TCP11: variants seen among roughly 807,000 people sequenced by gnomAD.
The protein encoded by TCP11 is T-complex protein 11 homolog.
In TCP11, 34 loss-of-function variants were observed where a neutral mutation model predicts 45.0. That is an observed-to-expected ratio of 0.76 (90% CI 0.57 to 1.01). TCP11 has a LOEUF of 1.01. Ranked by LOEUF, TCP11 falls within the 50% of genes least tolerant of loss-of-function variation. TCP11 has a pLI of 0.00. For synonymous variants in TCP11, 227 were observed against 227.0 expected (o/e 1.00, Z 0.00); for missense variants, 523 against 598.1 (o/e 0.87, Z 1.31).
intron 9 of TCP11, 78 bp downstream of exon 9, chr6:35,119,150 T>C (rs771748744): frequency 7.7e-6 from 12 of 1,551,234 alleles, no homozygotes; most frequent in South Asian, 2.4e-5. Context: ...CCATGCTTCA[T>C]GTTGTTAAAG....
At chr6:35,140,628 GA>G in intron 2 of TCP11, 118 bp downstream of exon 2, 1 of 708,752 alleles carries the variant, frequency 1.4e-6, no homozygotes, top group Non-Finnish European at 2.6e-6. Flanking sequence ...GGGAGAAACG[GA>G]GAAAGACAAA....
At chr6:35,140,004 G>A (rs34715060) in intron 2 of TCP11, 226,754 of 1,612,676 alleles carry the variant, frequency 0.14, 17,391 homozygotes, top group Middle Eastern at 0.17. Context: ...ACAAAAAAAC[G>A]GATTTTTCAT....
intron 4 of TCP11, among the ~76,000 whole-genome samples, chr6:35,127,285 A>C (rs1779935690): frequency 6.6e-6 from 1 of 152,228 alleles, no homozygotes; most frequent in Admixed American, 6.5e-5. Flanking sequence ...GGGGGTAAGA[A>C]AGACCATGCC....
intron 4 of TCP11, among the ~76,000 whole-genome samples, chr6:35,125,916 A>T (rs1779772862): frequency 6.6e-6 from 1 of 152,228 alleles, no homozygotes; most frequent in African/African-American, 2.4e-5. Context: ...AACTAAAAGG[A>T]CAAATATTGT....
Position 35,140,741 on chromosome 6 carries a change from A to C in TCP11, c.124+6T>G, listed in dbSNP as rs751926479. The C allele has an allele frequency of 2.6e-6, 4 of 1,525,634 alleles. No individual in the cohort carries two copies. Among genetic ancestry groups the C allele is most frequent in the Non-Finnish European group, 3.5e-6 (4 of 1,141,264 alleles). The allele number at this position is 1,525,634 out of a possible 1,614,324, so 94.5% of individuals were successfully genotyped here. A position where few individuals can be genotyped will look rare whatever the true frequency, so the allele number is the denominator to read the frequency against. On this transcript the variant is annotated splice_donor_region_variant and intron_variant, in intron 2 of 9. Transcript: ENST00000311875. ...GGGGCCACAGGGACTGCCGAGCTGG[A>C]CCTACAGGGAGGGGGGTCCTCGGAG...
intron 3 of TCP11, among the ~76,000 whole-genome samples, chr6:35,129,626 G>A (rs768572708): frequency 1.3e-5 from 2 of 152,134 alleles, no homozygotes; most frequent in Non-Finnish European, 2.9e-5. Context: ...CCAAATCAGC[G>A]TATCTAAAAC....
At chr6:35,132,901 A>G (rs1226147594) in intron 3 of TCP11, among the ~76,000 whole-genome samples, 2 of 152,178 alleles carry the variant, frequency 1.3e-5, no homozygotes, top group Non-Finnish European at 2.9e-5. Flanking sequence ...AGTGAGAGAG[A>G]AGCTGAGAGA....
chr6:35,136,373 C>T (rs186190026), intron 2 of TCP11, among the ~76,000 whole-genome samples, 155 bp from the exon 3 acceptor site: 52 of 151,440 alleles, frequency 3.4e-4, no homozygotes, highest in African/African-American at 1.2e-3. Flanking sequence ...GCACTCTATG[C>T]CCCACGACAG....
Position 35,120,010 on chromosome 6 carries a change from A to T in TCP11, c.1115+149T>A. 9.5e-7 allele frequency: 1 copy of T among 1,054,994 alleles called. No homozygotes were observed. Among genetic ancestry groups the T allele is most frequent in the Non-Finnish European group, 1.3e-6 (1 of 758,568 alleles). The allele number at this position is 1,054,994 out of a possible 1,614,324, so 65.4% of individuals were successfully genotyped here. On this transcript the variant is annotated intron_variant, in intron 8 of 9. Transcript: ENST00000311875. The surrounding 1 kb of genome is among the most constrained non-coding windows in gnomAD (Gnocchi z 4.9). ...TTTTTTTTGTTACACCCTCATGACC[A>T]CTTATGGAAAGAAACCAACAATCTT... is the stretch of plus-strand genomic sequence containing the variant.
intron 4 of TCP11, 141 bp downstream of exon 4, chr6:35,128,921 A>C: frequency 9.0e-7 from 1 of 1,108,190 alleles, no homozygotes; most frequent in Non-Finnish European, 1.2e-6. Flanking sequence ...CTCCCTGCTA[A>C]AATTACTGTA....
chr6:35,122,183 C>A lies in TCP11; in HGVS notation c.512G>T (p.Cys171Phe). ...KYVLNMMALL[C>F]APVRDEAVQK... Reference sequence around the variant, plus strand: ...CACTGCTTCATCTCGAACTGGTGCACACAGCAAAGCCATCATGTTGAGAAC... The same window carrying A: ...CACTGCTTCATCTCGAACTGGTGCAAACAGCAAAGCCATCATGTTGAGAAC... The change falls in exon 5 of 10, where the codon TGT (cysteine) becomes TTT (phenylalanine). Residue 171 changes from cysteine (C) to phenylalanine (F), a missense_variant. By Grantham distance (205) the Cys-to-Phe change is radical (BLOSUM62 -2). Coordinates refer to ENST00000311875, the MANE Select transcript of TCP11 (RefSeq NM_001370687.1). The A allele has an allele frequency of 6.2e-7, 1 of 1,614,184 alleles. No homozygotes were observed. Among genetic ancestry groups the A allele is most frequent in the Non-Finnish European group, 8.5e-7 (1 of 1,180,038 alleles).
In TCP11 at chr6:35,120,708, C is replaced by A; in HGVS notation, c.716-62G>T. Reference sequence around the variant, plus strand: ...ATCTTCATCTCTGAGGCTTCAAGACCAAGGTTCTTTTCAAGTATACTCCTG... The same window carrying A: ...ATCTTCATCTCTGAGGCTTCAAGACAAAGGTTCTTTTCAAGTATACTCCTG... On this transcript the variant is annotated intron_variant, in intron 6 of 9. Coordinates refer to ENST00000311875, the MANE Select transcript of TCP11 (RefSeq NM_001370687.1). This position sits in a 1 kb window ranked among gnomAD's most constrained non-coding sequence, Gnocchi z 4.9. 1 of 1,518,198 alleles carries A rather than the reference C, an allele frequency of 6.6e-7. No individual in the cohort carries two copies. Among genetic ancestry groups the A allele is most frequent in the Non-Finnish European group, 9.0e-7 (1 of 1,115,960 alleles). 94.0% of individuals were successfully genotyped at this position (1,518,198 alleles called of 1,614,324 possible).
chr6:35,124,385 C>T (rs578226751), intron 4 of TCP11, among the ~76,000 whole-genome samples: 1 of 152,176 alleles, frequency 6.6e-6, no homozygotes, highest in East Asian at 1.9e-4. Flanking sequence ...GGGAACCACA[C>T]ATGGACCTTT....
chr6:35,121,200 T>C (rs1779196409), intron 5 of TCP11, among the ~76,000 whole-genome samples, 155 bp from the exon 6 acceptor site: 1 of 152,128 alleles, frequency 6.6e-6, no homozygotes, highest in Admixed American at 6.5e-5. Context: ...CAGAACCCAA[T>C]ACCCAGGGTG....
At chr6:35,133,639 A>T (rs141784378) in intron 3 of TCP11, among the ~76,000 whole-genome samples, 35 of 152,132 alleles carry the variant, frequency 2.3e-4, no homozygotes, top group Non-Finnish European at 4.4e-4. Context: ...AAAATACAAA[A>T]ATTAACTGGG....
chr6:35,119,174 G>A (rs1162734342), intron 9 of TCP11, 54 bp downstream of exon 9: 32 of 1,595,542 alleles, frequency 2.0e-5, no homozygotes, highest in Admixed American at 6.8e-5. Flanking sequence ...GGGGTTCCAC[G>A]GTTGGGATCT....
rs199768438 is a variant in TCP11, at chr6:35,140,784, G to A, written c.87C>T (p.Pro29=). 7.1e-5 allele frequency: 108 copies of A among 1,531,642 alleles called. No individual in the cohort carries two copies. The South Asian group carries it at 1.3e-3, about 18-fold the overall frequency. 94.9% of individuals were successfully genotyped at this position (1,531,642 alleles called of 1,614,324 possible). The change falls in exon 2 of 10, where the codon CCC becomes CCT. Residue 29 remains proline (P), a synonymous_variant. Transcript: ENST00000311875. ...CCTCGGAGCCGCTCTTGTCTTCCTG[G>A]GGGGGTCCTGAGGTTTCGGGCTTAC... ...RSCKPETSGP[P]QEDKSGSEDP...
chr6:35,139,872 A>G (rs2127695868), intron 2 of TCP11: 2 of 705,736 alleles, frequency 2.8e-6, no homozygotes, highest in Non-Finnish European at 4.6e-6. Flanking sequence ...ATAACAACCA[A>G]GTCAACCTAA....
rs1473359630 is a variant in TCP11, at chr6:35,120,139, A to C, written c.1115+20T>G. 1.2e-6 allele frequency: 2 copies of C among 1,610,506 alleles called. No individual in the cohort carries two copies. The highest frequency in any genetic ancestry group is 8.5e-7 in the Non-Finnish European group (1 of 1,178,038). ...TACCACATATCACCTTCTACTCTAA[A>C]AAGTAACTATGCAGCTCACCTGGAG... is the stretch of plus-strand genomic sequence containing the variant. On this transcript the variant is annotated intron_variant, in intron 8 of 9. Coordinates refer to ENST00000311875, the MANE Select transcript of TCP11 (RefSeq NM_001370687.1). This position sits in a 1 kb window ranked among gnomAD's most constrained non-coding sequence, Gnocchi z 4.9.
Sources: gnomAD v4.1 joint callset for allele counts (sites outside exome capture counted in the v4.1 genomes callset) on GRCh38, gnomAD v4.1.1 for gene constraint, Gnocchi (gnomAD v3.1) non-coding constraint, MANE v1.5 for transcripts, NCBI Gene and HGNC (gene_info 2026-07-23, HGNC 2026-07-21) for gene names.